TPX2: variants seen among roughly 807,000 people sequenced by gnomAD.
The protein encoded by TPX2 is TPX2 microtubule nucleation factor.
TPX2 carries 21 observed loss-of-function variants against 93.6 expected under a neutral mutation model. The observed-to-expected ratio is 0.22, with a 90% CI of 0.16 to 0.32. The LOEUF (loss-of-function observed/expected upper bound fraction) is 0.32. Ranked by LOEUF, TPX2 falls within the 10% of genes least tolerant of loss-of-function variation. TPX2 has a pLI of 1.00. For synonymous variants in TPX2, 281 were observed against 298.3 expected (o/e 0.94, Z 0.60); for missense variants, 776 against 871.1 (o/e 0.89, Z 1.37).
Position 31,770,458 on chromosome 20 carries a change from A to G in TPX2, c.472A>G (p.Lys158Glu). 1 of 1,578,828 alleles carries G rather than the reference A, an allele frequency of 6.3e-7. No individual in the cohort carries two copies. The highest frequency in any genetic ancestry group is 8.6e-7 in the Non-Finnish European group (1 of 1,163,814). ...AATCATCGATGAAATTCTACCCTCTAAGAAAATGAAAGTGTGAGTAGCCAC... is the reference window on the plus strand; with the variant it reads ...AATCATCGATGAAATTCTACCCTCTGAGAAAATGAAAGTGTGAGTAGCCAC... The part of the protein sequence containing the change: ...PVIIDEILPS[K>E]KMKVSNNKKK... Residue 158 changes from lysine (K) to glutamate (E), a missense_variant, in exon 6 of 18, where the codon AAG (lysine) becomes GAG (glutamate). Coordinates refer to ENST00000300403, the MANE Select transcript of TPX2 (RefSeq NM_012112.5).
chr20:31,795,345 G>A (rs2062131486), intron 15 of TPX2, among the ~76,000 whole-genome samples: 1 of 152,190 alleles, frequency 6.6e-6, no homozygotes, highest in Non-Finnish European at 1.5e-5. Flanking sequence ...TGTTGGCCAG[G>A]CTGGTCTCAA....
chr20:31,777,687 G>A (rs766313046), intron 9 of TPX2, 49 bp downstream of exon 9: 2 of 1,577,838 alleles, frequency 1.3e-6, no homozygotes, highest in East Asian at 2.2e-5. Context: ...ATTCATTTAG[G>A]ATTTTACGTG....
intron 2 of TPX2, among the ~76,000 whole-genome samples, chr20:31,743,951 C>T (rs191975482): frequency 3.7e-3 from 569 of 151,794 alleles, no homozygotes; most frequent in Middle Eastern, 0.024. Context: ...GAACTCCTGA[C>T]TTCAGGTGAT....
intron 5 of TPX2, 74 bp downstream of exon 5, chr20:31,766,756 TTATG>T: frequency 6.6e-7 from 1 of 1,516,422 alleles, no homozygotes; most frequent in Middle Eastern, 1.8e-4. Context: ...AGAACATCTA[TTATG>T]TGTCTATACT....
chr20:31,775,982 G>A lies in TPX2; in HGVS notation c.724G>A (p.Gly242Arg). The change falls in exon 8 of 18, where the codon GGA (glycine) becomes AGA (arginine). Residue 242 changes from glycine (G) to arginine (R), a missense_variant. Coordinates refer to ENST00000300403, the MANE Select transcript of TPX2 (RefSeq NM_012112.5). ...AGAATTCAAGAAACTTGCTCTGGCT[G>A]GAATAGGTGAGCTTGGCTGTGGTTG... ...NEEFKKLALA[G>R]IGQPVKKSVS... 2.6e-6 allele frequency: 4 copies of A among 1,535,008 alleles called. No individual in the cohort carries two copies. The highest frequency in any genetic ancestry group is 3.5e-6 in the Non-Finnish European group (4 of 1,134,450).
chr20:31,747,436 C>CTCTG lies in TPX2; in HGVS notation c.-71+4813_-71+4816dup, dbSNP rs368418576. 3.6e-3 allele frequency among the ~76,000 whole-genome samples: 540 copies of CTCTG among 151,840 alleles called. 5 individuals are homozygous for CTCTG. Among genetic ancestry groups the CTCTG allele is most frequent in the East Asian group, 9.9e-3 (51 of 5,160 alleles). ...CCCGGCCGAGATTTTATATCTCTAT[C>CTCTG]TCTGTCTGTCTGTCTGTCTGTCTGT... On this transcript the variant is annotated intron_variant, in intron 2 of 17. Transcript: ENST00000300403.
intron 12 of TPX2, among the ~76,000 whole-genome samples, chr20:31,790,893 A>G (rs564364923): frequency 2.1e-4 from 32 of 152,308 alleles, no homozygotes; most frequent in East Asian, 9.6e-4. Context: ...ACCATATACA[A>G]TGGGATAAAG....
rs2061784584 is a variant in TPX2 at position 31,746,539 on chromosome 20, A to G, written c.-71+3892A>G. Among the ~76,000 whole-genome samples, 4 of 152,218 alleles carry G rather than the reference A, an allele frequency of 2.6e-5. No individual in the cohort carries two copies. The South Asian group carries it at 8.3e-4, about 32-fold the overall frequency. ...ACTCTGTTTATTCTATTATATTACC[A>G]GTTTAACTCATGACTTTCTCTTTAA... On this transcript the variant is annotated intron_variant, in intron 2 of 17. Transcript: ENST00000300403.
At chr20:31,744,094 G>A (rs566724464) in intron 2 of TPX2, among the ~76,000 whole-genome samples, 21 of 151,538 alleles carry the variant, frequency 1.4e-4, no homozygotes, top group East Asian at 7.7e-4. Flanking sequence ...TCATAGATAC[G>A]GACAGCCAAC....
At chr20:31,776,658 T>G (rs556485427) in intron 8 of TPX2, among the ~76,000 whole-genome samples, 21 of 152,138 alleles carry the variant, frequency 1.4e-4, no homozygotes, top group Non-Finnish European at 1.9e-4. Flanking sequence ...CCTGAGTAGC[T>G]GGGATTACAG....
chr20:31,772,824 A>G (rs1230857281), intron 7 of TPX2, among the ~76,000 whole-genome samples: 1 of 152,180 alleles, frequency 6.6e-6, no homozygotes, highest in Non-Finnish European at 1.5e-5. Context: ...TCAGTCAACA[A>G]CTTTATAGGC....
Position 31,792,812 on chromosome 20 carries a change from G to T in TPX2, c.1491G>T (p.Met497Ile), listed in dbSNP as rs2062110703. ...PAFALKNRIR[M>I]PTKEDEEEDE... The stretch of plus-strand genomic sequence containing the variant: ...TTGCATTGAAGAACAGAATTCGAAT[G>T]CCCACCAAAGAAGATGAGGTGATTC... The change falls in exon 13 of 18, where the codon ATG (methionine) becomes ATT (isoleucine). Residue 497 changes from methionine (M) to isoleucine (I), a missense_variant. By Grantham distance (10) the Met-to-Ile change is conservative. Coordinates refer to ENST00000300403, the MANE Select transcript of TPX2 (RefSeq NM_012112.5). 29 of 1,614,140 alleles carry T rather than the reference G, an allele frequency of 1.8e-5. No homozygotes were observed. In the East Asian group the frequency reaches 6.5e-4, roughly 36 times the overall value.
At chr20:31,748,582 C>G (rs773278079) in intron 2 of TPX2, among the ~76,000 whole-genome samples, 1 of 152,140 alleles carries the variant, frequency 6.6e-6, no homozygotes, top group Non-Finnish European at 1.5e-5. Flanking sequence ...CTTTGTTGAA[C>G]AGGATCTTAT....
At chr20:31,768,031 A>G (rs1268753128) in intron 5 of TPX2, among the ~76,000 whole-genome samples, 1 of 151,230 alleles carries the variant, frequency 6.6e-6, no homozygotes, top group Non-Finnish European at 1.5e-5. Context: ...TCTCAGGTGT[A>G]AGCAATCCTT....
chr20:31,778,754 A>T (rs1416449001), intron 9 of TPX2, 59 bp from the exon 10 acceptor site: 4 of 1,453,480 alleles, frequency 2.8e-6, no homozygotes, highest in African/African-American at 1.4e-5. Context: ...TATGTGGCTT[A>T]TGGTAGATGT....
chr20:31,772,994 T>TTG (rs2061973312), intron 7 of TPX2, among the ~76,000 whole-genome samples: 1 of 139,920 alleles, frequency 7.1e-6, no homozygotes, highest in African/African-American at 2.8e-5. Context: ...TTTTTTTTTT[T>TTG]GAGATGGAGT....
intron 1 of TPX2, among the ~76,000 whole-genome samples, chr20:31,739,843 C>T (rs913211100): frequency 7.5e-4 from 114 of 152,250 alleles, no homozygotes; most frequent in African/African-American, 2.7e-3. Context: ...GCCATGCCCT[C>T]AGGAAGTGTG....
At chr20:31,792,961 T>G in intron 13 of TPX2, 131 bp downstream of exon 13, 1 of 768,308 alleles carries the variant, frequency 1.3e-6, no homozygotes, top group Middle Eastern at 2.4e-4. Flanking sequence ...AGAATGGGTA[T>G]GAACATTTGT....
chr20:31,758,869 AT>A, intron 3 of TPX2, among the ~76,000 whole-genome samples: 1 of 152,140 alleles, frequency 6.6e-6, no homozygotes, highest in Non-Finnish European at 1.5e-5. Context: ...CTGTCTGAGG[AT>A]TTCTTTTTCT....
Sources: allele counts gnomAD v4.1 joint callset (sites outside exome capture counted in the v4.1 genomes callset), GRCh38; gene constraint gnomAD v4.1.1; transcripts MANE v1.5; gene names NCBI Gene and HGNC (gene_info 2026-07-23, HGNC 2026-07-21).